Variants in ENG observed in about 807,000 individuals in gnomAD.
ENG encodes CD105 antigen.
Under a neutral mutation model 71.0 loss-of-function variants are expected in ENG, and 17 were observed. That is an observed-to-expected ratio of 0.24 (90% CI 0.16 to 0.36). The LOEUF is 0.36. Among genes scored for constraint, ENG ranks in the 10% least tolerant of loss-of-function variants. ENG has a pLI of 1.00. For missense variants in ENG, 749 were observed against 868.3 expected, an observed-to-expected ratio of 0.86 and a Z score of 1.73; for synonymous variants, 360 against 366.9, an observed-to-expected ratio of 0.98 and a Z score of 0.21.
At position 127,817,356 on chromosome 9, in the gene ENG, A is replaced by G. The variant is rs1022499554; in HGVS notation, c.1687-153T>C. ...TGGATGCCTCTGGGTGAGTCCTGGA[A>G]GATCTGTGCTGTGGGAGGGTGCCTA... On this transcript the variant is annotated intron_variant, in intron 12 of 14. Coordinates refer to ENST00000373203, the MANE Select transcript of ENG (RefSeq NM_001114753.3). 6.5e-6 allele frequency: 5 copies of G among 772,338 alleles called. No homozygotes were observed. The African/African-American group carries it at 8.6e-5, about 13-fold the overall frequency. The allele number at this position is 772,338 out of a possible 1,614,324, so 47.8% of individuals were successfully genotyped here. A position where few individuals can be genotyped will look rare whatever the true frequency, so the allele number is the denominator to read the frequency against.
chr9:127,819,419 G>A, intron 10 of ENG: 2 of 665,462 alleles, frequency 3.0e-6, no homozygotes, highest in Non-Finnish European at 5.2e-6. Flanking sequence ...GCCAGTATGT[G>A]CTAAGCCCTC....
chr9:127,848,740 C>T (rs1282659181), intron 1 of ENG, among the ~76,000 whole-genome samples: 1 of 152,188 alleles, frequency 6.6e-6, no homozygotes, highest in African/African-American at 2.4e-5. Context: ...TGTCTGCACT[C>T]CCAGCAGACA....
At chr9:127,832,110 C>G (rs377332035) in intron 2 of ENG, among the ~76,000 whole-genome samples, 2 of 121,594 alleles carry the variant, frequency 1.6e-5, no homozygotes, top group Non-Finnish European at 3.2e-5. Flanking sequence ...GAGTCTTGCT[C>G]TGTTGCCCAG....
intron 13 of ENG, 66 bp downstream of exon 13, chr9:127,817,083 T>C (rs1345726760): frequency 1.3e-6 from 2 of 1,586,362 alleles, no homozygotes; most frequent in Non-Finnish European, 1.7e-6. Context: ...TTCTCAGGGC[T>C]GCCCGCTGTG....
At chr9:127,842,512 A>G (rs971570643) in intron 2 of ENG, among the ~76,000 whole-genome samples, 1 of 151,248 alleles carries the variant, frequency 6.6e-6, no homozygotes, top group Admixed American at 6.6e-5. Flanking sequence ...GCAACCTCCA[A>G]CTCACTGGTT....
intron 3 of ENG, among the ~76,000 whole-genome samples, chr9:127,827,786 C>T (rs1248223380): frequency 2.6e-5 from 4 of 152,016 alleles, no homozygotes; most frequent in East Asian, 1.9e-4. Context: ...GAGGCCGAGG[C>T]GGGTGGATCC....
In ENG at chr9:127,854,368, G is replaced by T. The variant is rs1256386848; in HGVS notation, c.-13C>A. On this transcript the variant is annotated 5_prime_UTR_variant, in exon 1 of 15. Coordinates refer to ENST00000373203, the MANE Select transcript of ENG (RefSeq NM_001114753.3). ...TGCCGCGGTCCATGCTGTCCACGTG[G>T]GGGCCTGTGCGCTGGGCCTTATCCT... 2 of 1,580,620 alleles carry T rather than the reference G, an allele frequency of 1.3e-6. No individual in the cohort carries two copies. The highest frequency in any genetic ancestry group is 1.3e-5 in the African/African-American group (1 of 74,098).
At position 127,819,886 on chromosome 9, in the gene ENG, G is replaced by T. The variant is rs1211943511; in HGVS notation, c.1272+14C>A. The T allele has an allele frequency of 6.2e-7, 1 of 1,614,010 alleles. No individual in the cohort carries two copies. Among genetic ancestry groups the T allele is most frequent in the African/African-American group, 1.3e-5 (1 of 74,906 alleles). The stretch of plus-strand genomic sequence containing the variant: ...CCAGGCTGGTCCTGATACCTTTTTG[G>T]CCCCAGCTCTTACCTCATTGCTGAT... On this transcript the variant is annotated intron_variant, in intron 9 of 14. Transcript: ENST00000373203.
chr9:127,849,819 G>A (rs1048426595), intron 1 of ENG, among the ~76,000 whole-genome samples: 1 of 152,224 alleles, frequency 6.6e-6, no homozygotes, highest in Non-Finnish European at 1.5e-5. Flanking sequence ...TCAGGGCAGT[G>A]TTACTTGGGT....
intron 2 of ENG, among the ~76,000 whole-genome samples, chr9:127,831,450 C>A (rs1037694886): frequency 7.0e-6 from 1 of 142,188 alleles, no homozygotes; most frequent in African/African-American, 2.7e-5. Flanking sequence ...TGCAATGGGG[C>A]GATCTTGGCT....
intron 2 of ENG, among the ~76,000 whole-genome samples, chr9:127,842,401 GTATTTTTATTT>G (rs990306559): frequency 4.0e-5 from 6 of 151,020 alleles, no homozygotes; most frequent in Admixed American, 3.3e-4. Flanking sequence ...GCTAATTTTT[GTATTTTTATTT>G]TATTTTTATT....
chr9:127,829,901 A>G, intron 2 of ENG, 74 bp from the exon 3 acceptor site: 2 of 1,599,342 alleles, frequency 1.3e-6, no homozygotes, highest in South Asian at 1.1e-5. Flanking sequence ...ACAGGCAGTG[A>G]TGATTTGGAT....
rs541137910 is a variant in ENG, at chr9:127,824,174, T to C, written c.1134+130A>G. 7.6e-6 allele frequency: 10 copies of C among 1,312,530 alleles called. No individual in the cohort carries two copies. The East Asian group carries it at 2.4e-4, about 31-fold the overall frequency. 81.3% of individuals were successfully genotyped at this position (1,312,530 alleles called of 1,614,324 possible). On this transcript the variant is annotated intron_variant, in intron 8 of 14. Transcript: ENST00000373203. ...ACCATTATCAATTCCATTATACAAG[T>C]GGGAAAACTAAGGCTTGCAGAGGGA... is the stretch of plus-strand genomic sequence containing the variant.
At chr9:127,826,484 C>G (rs766620006) in intron 4 of ENG, 26 bp downstream of exon 4, 2 of 1,613,758 alleles carry the variant, frequency 1.2e-6, no homozygotes, top group Non-Finnish European at 1.7e-6. Context: ...TATCATGAGC[C>G]CAGAGAGGTT....
intron 1 of ENG, 136 bp from the exon 2 acceptor site, chr9:127,843,381 A>C: frequency 7.0e-6 from 8 of 1,136,528 alleles, no homozygotes; most frequent in Non-Finnish European, 1.0e-5. Flanking sequence ...TATGAGGTGG[A>C]TATCATTATA....
chr9:127,826,755 G>T (rs538099245), intron 3 of ENG, 83 bp from the exon 4 acceptor site: 2 of 1,557,718 alleles, frequency 1.3e-6, no homozygotes, highest in East Asian at 4.6e-5. Context: ...GAAGTAATTT[G>T]TGGAGTCAGC....
At position 127,818,125 on chromosome 9, in the gene ENG, C is replaced by G. The variant is rs1487412594; in HGVS notation, c.1681G>C (p.Asp561His). 2 of 1,614,176 alleles carry G rather than the reference C, an allele frequency of 1.2e-6. No individual in the cohort carries two copies. Among genetic ancestry groups the G allele is most frequent in the Admixed American group, 3.3e-5 (2 of 60,032 alleles). ...VALRPKTGSQDQEVHRTVFMR... is the reference protein window; with the variant it reads ...VALRPKTGSQHQEVHRTVFMR... ...CCGGCCCAGGCCCCACTCACCTGGT[C>G]TTGAGACCCGGTCTTGGGACGCAGG... Residue 561 changes from aspartate to histidine, a missense_variant, in exon 12 of 15, where the codon GAC becomes CAC. Coordinates refer to ENST00000373203, the MANE Select transcript of ENG (RefSeq NM_001114753.3).
intron 2 of ENG, among the ~76,000 whole-genome samples, chr9:127,835,380 A>G (rs1830876150): frequency 6.6e-6 from 1 of 152,010 alleles, no homozygotes; most frequent in South Asian, 2.1e-4. Context: ...CCTCCCTCTC[A>G]ACTGCACCTC....
rs545178214 is a variant in ENG, at chr9:127,816,901, A to G, written c.1741+248T>C. The G allele has an allele frequency of 1.0e-5, 6 of 580,388 alleles. No homozygotes were observed. The East Asian group carries it at 1.7e-4, about 17-fold the overall frequency. The allele number at this position is 580,388 out of a possible 1,614,324, so 36.0% of individuals were successfully genotyped here. On this transcript the variant is annotated intron_variant, in intron 13 of 14. Coordinates refer to ENST00000373203, the MANE Select transcript of ENG (RefSeq NM_001114753.3). Reference sequence around the variant, plus strand: ...ATGGAGTGGAGCCGTGAGTGGGGGCAGAGGCCTAGACTCCCACCCCACAGG... The same window carrying G: ...ATGGAGTGGAGCCGTGAGTGGGGGCGGAGGCCTAGACTCCCACCCCACAGG...
Sources: gnomAD v4.1 joint callset for allele counts (sites outside exome capture counted in the v4.1 genomes callset) on GRCh38, gnomAD v4.1.1 for gene constraint, MANE v1.5 for transcripts, NCBI Gene and HGNC (gene_info 2026-07-23, HGNC 2026-07-21) for gene names.